Variants in CADM1 observed in about 807,000 individuals in gnomAD.
CADM1 encodes TSLC-1.
A neutral mutation model predicts 53.1 loss-of-function variants in CADM1; 15 were observed. The ratio of observed to expected loss-of-function variants is 0.28; its 90% CI spans 0.19 to 0.44. CADM1 has a LOEUF of 0.44. Ranked by LOEUF, CADM1 falls within the 20% of genes least tolerant of loss-of-function variation. The pLI is 1.00. For missense variants in CADM1, 434 were observed against 611.3 expected (o/e 0.71, Z 3.06); for synonymous variants, 281 against 243.0 (o/e 1.16, Z -1.45).
intron 1 of CADM1, among the ~76,000 whole-genome samples, chr11:115,475,281 T>C (rs1213308283): frequency 6.6e-6 from 1 of 152,206 alleles, no homozygotes; most frequent in Non-Finnish European, 1.5e-5. Context: ...TTTTATTTTT[T>C]TTCCTCTCTA....
chr11:115,295,516 A>ATG, intron 1 of CADM1, among the ~76,000 whole-genome samples: 1 of 52,880 alleles, frequency 1.9e-5, no homozygotes, highest in East Asian at 1.9e-3. Flanking sequence ...TTATATATAT[A>ATG]TATATATATA....
intron 1 of CADM1, among the ~76,000 whole-genome samples, chr11:115,340,649 TATA>T (rs1424500164): frequency 0.16 from 7,963 of 50,512 alleles, 994 homozygotes; most frequent in Non-Finnish European, 0.23. Flanking sequence ...TATATATATA[TATA>T]TATATATTTT....
chr11:115,407,450 A>G (rs1048956582), intron 1 of CADM1, among the ~76,000 whole-genome samples: 1 of 152,206 alleles, frequency 6.6e-6, no homozygotes, highest in African/African-American at 2.4e-5. Context: ...TGGTATAGAA[A>G]GGCTGGAGCA....
At chr11:115,255,197 T>G (rs1203105063) in intron 1 of CADM1, among the ~76,000 whole-genome samples, 4 of 152,184 alleles carry the variant, frequency 2.6e-5, no homozygotes, top group Admixed American at 2.6e-4. Context: ...AAACGTCAGT[T>G]AAGGTCTAGC....
chr11:115,421,296 T>A (rs895933469), intron 1 of CADM1, among the ~76,000 whole-genome samples: 7 of 152,254 alleles, frequency 4.6e-5, no homozygotes, highest in Non-Finnish European at 1.0e-4. Context: ...GTGTTTCAGC[T>A]AACCTTAACC....
intron 1 of CADM1, among the ~76,000 whole-genome samples, chr11:115,374,893 A>C (rs1314995316): frequency 6.6e-5 from 10 of 152,126 alleles, no homozygotes; most frequent in Non-Finnish European, 4.4e-5. Context: ...CACGGACTTC[A>C]TTTGACTCTT....
chr11:115,231,111 G>A (rs912303096), intron 4 of CADM1, among the ~76,000 whole-genome samples: 1 of 152,134 alleles, frequency 6.6e-6, no homozygotes, highest in Non-Finnish European at 1.5e-5. Context: ...AGTTCTTTCT[G>A]GGCATCTGAG....
chr11:115,201,201 G>A (rs1039093050), intron 8 of CADM1, among the ~76,000 whole-genome samples: 6 of 152,156 alleles, frequency 3.9e-5, no homozygotes, highest in South Asian at 2.1e-4. Context: ...GAGCAGCAAC[G>A]GGGTAGGAGA....
At chr11:115,224,515 T>G (rs1941528194) in intron 5 of CADM1, among the ~76,000 whole-genome samples, 1 of 152,142 alleles carries the variant, frequency 6.6e-6, no homozygotes, top group South Asian at 2.1e-4. Context: ...CTTTCTTTTT[T>G]TAAAATATGC....
At chr11:115,475,312 T>TG (rs1241649284) in intron 1 of CADM1, among the ~76,000 whole-genome samples, 1 of 152,206 alleles carries the variant, frequency 6.6e-6, no homozygotes, top group South Asian at 2.1e-4. Flanking sequence ...AGAATTTTTA[T>TG]TTTTTCAAAT....
At chr11:115,342,684 T>C (rs1199455572) in intron 1 of CADM1, among the ~76,000 whole-genome samples, 1 of 152,202 alleles carries the variant, frequency 6.6e-6, no homozygotes, top group African/African-American at 2.4e-5. Context: ...AATTTCTCTC[T>C]TCAAATGATG....
intron 1 of CADM1, among the ~76,000 whole-genome samples, chr11:115,329,126 T>G (rs1283170279): frequency 6.6e-6 from 1 of 152,048 alleles, no homozygotes; most frequent in Non-Finnish European, 1.5e-5. Context: ...ACAAATAATT[T>G]AGCACTTTTA....
chr11:115,178,155 T>C (rs1298889875), intron 11 of CADM1, among the ~76,000 whole-genome samples: 1 of 152,000 alleles, frequency 6.6e-6, no homozygotes, highest in Non-Finnish European at 1.5e-5. Context: ...AGGCAAAAAA[T>C]TTTCTTTAAC....
chr11:115,244,987 T>C (rs985208529), intron 1 of CADM1, among the ~76,000 whole-genome samples: 4 of 152,190 alleles, frequency 2.6e-5, no homozygotes, highest in African/African-American at 9.7e-5. Context: ...TGTTCATCAA[T>C]AAAGCACTTC....
intron 1 of CADM1, among the ~76,000 whole-genome samples, chr11:115,385,910 T>C (rs1204032897): frequency 6.6e-6 from 1 of 152,234 alleles, no homozygotes; most frequent in African/African-American, 2.4e-5. Flanking sequence ...ACCTTTCTAG[T>C]ATCTTTGGTG....
At chr11:115,240,129 G>T in intron 2 of CADM1, 145 bp downstream of exon 2, 2 of 725,452 alleles carry the variant, frequency 2.8e-6, no homozygotes, top group Non-Finnish European at 4.7e-6. Context: ...GATTATGATT[G>T]CCTGTCTCTT....
chr11:115,494,732 C>T lies in CADM1; in HGVS notation c.124+9539G>A, dbSNP rs183786488. On this transcript the variant is annotated intron_variant, in intron 1 of 11. Coordinates refer to ENST00000331581, the MANE Select transcript of CADM1 (RefSeq NM_001301043.2). ...GTAGCCAGAGAAATAACCCCCACCA[C>T]TAGGTATTGCTGTTTTAATAAAAGT... 7.9e-4 allele frequency among the ~76,000 whole-genome samples: 121 copies of T among 152,232 alleles called. 1 individual carries two copies. Among genetic ancestry groups the T allele is most frequent in the Non-Finnish European group, 3.7e-4 (25 of 68,002 alleles).
chr11:115,343,619 C>G (rs1945503177), intron 1 of CADM1, among the ~76,000 whole-genome samples: 1 of 151,234 alleles, frequency 6.6e-6, no homozygotes, highest in Admixed American at 6.6e-5. Flanking sequence ...AAGCTGGGGA[C>G]TATCAATATC....
At chr11:115,214,573 ACT>A in intron 7 of CADM1, 33 bp downstream of exon 7, 1 of 1,587,794 alleles carries the variant, frequency 6.3e-7, no homozygotes, top group Non-Finnish European at 8.6e-7. Flanking sequence ...CATGTGACTG[ACT>A]CTAGTAGAAG....
Sources: gnomAD v4.1 joint callset for allele counts (sites outside exome capture counted in the v4.1 genomes callset) on GRCh38, gnomAD v4.1.1 for gene constraint, MANE v1.5 for transcripts, NCBI Gene and HGNC (gene_info 2026-07-23, HGNC 2026-07-21) for gene names.